The following SMARCC1 variants were observed in gnomAD, a reference collection of about 807,000 sequenced individuals.
SMARCC1 encodes SWI/SNF related BAF chromatin remodeling complex subunit C1, also known as SWI/SNF complex subunit SMARCC1.
SMARCC1 carries 43 observed loss-of-function variants against 147.4 expected under a neutral mutation model. The ratio of observed to expected loss-of-function variants is 0.29; its 90% CI spans 0.23 to 0.38. The LOEUF is 0.38. Among genes scored for constraint, SMARCC1 ranks in the 10% least tolerant of loss-of-function variants. The probability of loss-of-function intolerance (pLI) is 1.00; values close to 1 mark genes in which losing one functional copy is unlikely to be tolerated. For synonymous variants in SMARCC1, 495 were observed against 484.4 expected (o/e 1.02, Z -0.29); for missense variants, 1,119 against 1,381.1 (o/e 0.81, Z 3.01).
intron 21 of SMARCC1, among the ~76,000 whole-genome samples, chr3:47,652,473 A>C (rs976105425): frequency 3.3e-5 from 5 of 152,188 alleles, no homozygotes; most frequent in African/African-American, 1.2e-4. Context: ...CAATGAATGA[A>C]AACCACACAG....
chr3:47,723,424 G>A (rs1378258005), intron 6 of SMARCC1, among the ~76,000 whole-genome samples: 2 of 130,942 alleles, frequency 1.5e-5, no homozygotes, highest in Non-Finnish European at 3.1e-5. Flanking sequence ...GCAGTGGCAC[G>A]ATCTCAGCTC....
intron 3 of SMARCC1, among the ~76,000 whole-genome samples, chr3:47,745,222 A>G (rs1227305974): frequency 6.6e-6 from 1 of 151,874 alleles, no homozygotes; most frequent in East Asian, 1.9e-4. Context: ...GTGCCACTTC[A>G]CTCCAGCCTG....
Position 47,745,968 on chromosome 3 carries a change from G to A in SMARCC1, c.341C>T (p.Ala114Val), listed in dbSNP as rs1270219363. The A allele has an allele frequency of 6.3e-7, 1 of 1,584,034 alleles. No homozygotes were observed. Among genetic ancestry groups the A allele is most frequent in the African/African-American group, 1.4e-5 (1 of 73,134 alleles). ...AAGAATGTGACATAAGGCGCCTCCA[G>A]CTTTGAAATCCATGAAACACTTTGC... Reference protein sequence around the residue: ...LPAKCFMDFKAGGALCHILGA... With the variant: ...LPAKCFMDFKVGGALCHILGA... Residue 114 changes from alanine (A) to valine (V), a missense_variant, in exon 3 of 28, where the codon GCT becomes GTT. By Grantham distance (64) the Ala-to-Val change is moderately conservative. This residue lies in a region of SMARCC1 where 542 missense variants were observed against 611.8 expected (regional missense o/e 0.89). Transcript: ENST00000254480.
intron 9 of SMARCC1, among the ~76,000 whole-genome samples, chr3:47,709,137 T>C (rs1278500617): frequency 1.3e-5 from 2 of 151,932 alleles, no homozygotes; most frequent in Admixed American, 1.3e-4. Flanking sequence ...GGCACGTGCC[T>C]GTAATCCCAG....
At chr3:47,679,717 C>A (rs2033617782) in intron 15 of SMARCC1, among the ~76,000 whole-genome samples, 1 of 151,786 alleles carries the variant, frequency 6.6e-6, no homozygotes, top group Non-Finnish European at 1.5e-5. Context: ...CAAAAATTAG[C>A]CAGGTGTGGT....
intron 21 of SMARCC1, among the ~76,000 whole-genome samples, chr3:47,652,623 C>CAAAAAA (rs11377736): frequency 1.5e-5 from 2 of 134,952 alleles, no homozygotes; most frequent in Non-Finnish European, 3.1e-5. Context: ...CTTGCTTTTG[C>CAAAAAA]AAAAAAAAAA....
At chr3:47,656,739 C>A (rs970816648) in intron 21 of SMARCC1, among the ~76,000 whole-genome samples, 2 of 151,958 alleles carry the variant, frequency 1.3e-5, no homozygotes, top group African/African-American at 4.8e-5. Context: ...TATGGTGAAA[C>A]CCCGTCTCTA....
At chr3:47,744,401 T>G (rs1348168631) in intron 3 of SMARCC1, among the ~76,000 whole-genome samples, 1 of 152,098 alleles carries the variant, frequency 6.6e-6, no homozygotes, top group Non-Finnish European at 1.5e-5. Flanking sequence ...TCAATATCTA[T>G]TAAACACCAT....
At chr3:47,719,169 C>G (rs891581771) in intron 7 of SMARCC1, among the ~76,000 whole-genome samples, 2 of 152,064 alleles carry the variant, frequency 1.3e-5, no homozygotes, top group African/African-American at 4.8e-5. Context: ...CCGCCTTGGC[C>G]TCCCAAAGTA....
intron 19 of SMARCC1, among the ~76,000 whole-genome samples, chr3:47,664,435 A>G (rs2033397115): frequency 6.6e-6 from 1 of 152,216 alleles, no homozygotes; most frequent in South Asian, 2.1e-4. Flanking sequence ...TTTAGTAGAA[A>G]TTGATAAACT....
intron 2 of SMARCC1, among the ~76,000 whole-genome samples, chr3:47,759,618 C>CA (rs796811233): frequency 0.023 from 1,470 of 63,480 alleles, 21 homozygotes; most frequent in Middle Eastern, 0.061. Flanking sequence ...GACTCCGTCT[C>CA]AAAAAAAAAA....
intron 24 of SMARCC1, among the ~76,000 whole-genome samples, chr3:47,629,029 G>A (rs1576392319): frequency 1.3e-5 from 2 of 152,276 alleles, no homozygotes; most frequent in East Asian, 1.9e-4. Context: ...AAGCCCAGAG[G>A]GCCAAGTCAA....
intron 15 of SMARCC1, among the ~76,000 whole-genome samples, chr3:47,679,933 A>C (rs1408844967): frequency 6.6e-6 from 1 of 152,072 alleles, no homozygotes; most frequent in Non-Finnish European, 1.5e-5. Context: ...TATAGTAAAA[A>C]TTGGTTTAAA....
At chr3:47,677,239 A>C (rs2033585746) in intron 16 of SMARCC1, among the ~76,000 whole-genome samples, 1 of 152,062 alleles carries the variant, frequency 6.6e-6, no homozygotes, top group Non-Finnish European at 1.5e-5. Context: ...AGCTGGGATT[A>C]CAGGTGACCA....
intron 10 of SMARCC1, 83 bp from the exon 11 acceptor site, chr3:47,701,485 A>G (rs1445257381): frequency 9.5e-6 from 12 of 1,256,920 alleles, no homozygotes; most frequent in Non-Finnish European, 1.4e-5. Context: ...GTACACCTTC[A>G]TTATTTGTAG....
At chr3:47,627,878 C>G (rs775425441) in intron 24 of SMARCC1, among the ~76,000 whole-genome samples, 5 of 152,010 alleles carry the variant, frequency 3.3e-5, no homozygotes, top group Non-Finnish European at 5.9e-5. Context: ...TACACCACCA[C>G]GCCTGGCCAA....
At chr3:47,740,217 A>G (rs915919363) in intron 3 of SMARCC1, among the ~76,000 whole-genome samples, 1 of 107,890 alleles carries the variant, frequency 9.3e-6, no homozygotes, top group Non-Finnish European at 1.9e-5. Flanking sequence ...TTTTTAAAAG[A>G]CAGACTCTCG....
At chr3:47,637,578 G>A (rs1386596401) in intron 22 of SMARCC1, among the ~76,000 whole-genome samples, 4 of 152,114 alleles carry the variant, frequency 2.6e-5, no homozygotes, top group African/African-American at 9.7e-5. Context: ...TGGATGTGGT[G>A]GCGCGTGGCT....
intron 11 of SMARCC1, among the ~76,000 whole-genome samples, chr3:47,698,255 T>C (rs1417365839): frequency 6.6e-6 from 1 of 151,948 alleles, no homozygotes; most frequent in Admixed American, 6.6e-5. Flanking sequence ...AAGAACGGTA[T>C]CAAAATTTGG....
Sources: allele counts gnomAD v4.1 joint callset (sites outside exome capture counted in the v4.1 genomes callset), GRCh38; gene constraint gnomAD v4.1.1; regional missense constraint gnomAD v4.1.1; transcripts MANE v1.5; gene names NCBI Gene and HGNC (gene_info 2026-07-23, HGNC 2026-07-21).